ADGRF5: variants seen among roughly 807,000 people sequenced by gnomAD.
ADGRF5 encodes G-protein coupled receptor 116.
A neutral mutation model predicts 132.3 loss-of-function variants in ADGRF5; 75 were observed. That is an observed-to-expected ratio of 0.57 (90% CI 0.47 to 0.69). ADGRF5 has a LOEUF of 0.69. Ranked by LOEUF, ADGRF5 falls within the 30% of genes least tolerant of loss-of-function variation. ADGRF5 has a pLI of 0.00. For missense variants in ADGRF5, 1,516 were observed against 1,630.6 expected (o/e 0.93, Z 1.21); for synonymous variants, 629 against 597.6 (o/e 1.05, Z -0.77).
chr6:46,917,691 C>T (rs1036908157), intron 1 of ADGRF5, among the ~76,000 whole-genome samples: 6 of 152,172 alleles, frequency 3.9e-5, no homozygotes, highest in Admixed American at 6.5e-5. Context: ...CCACAGGCCC[C>T]TGTGTGTGAT....
At chr6:46,912,119 T>A (rs1776006445) in intron 1 of ADGRF5, among the ~76,000 whole-genome samples, 1 of 152,144 alleles carries the variant, frequency 6.6e-6, no homozygotes, top group African/African-American at 2.4e-5. Context: ...GTTAAATAAC[T>A]TGCCTGAGAT....
chr6:46,862,258 T>A (rs973435018), intron 15 of ADGRF5, among the ~76,000 whole-genome samples: 4 of 152,242 alleles, frequency 2.6e-5, no homozygotes, highest in Non-Finnish European at 5.9e-5. Flanking sequence ...CAGAATTTTT[T>A]AATGTAATTC....
chr6:46,887,315 A>G (rs1022343014), intron 4 of ADGRF5, among the ~76,000 whole-genome samples: 21 of 152,210 alleles, frequency 1.4e-4, no homozygotes, highest in Admixed American at 2.6e-4. Flanking sequence ...GGGTGGGAAC[A>G]TAGAAGGGTG....
In ADGRF5 at chr6:46,884,173, C is replaced by A; in HGVS notation, c.427G>T (p.Asp143Tyr). 1 of 1,614,048 alleles carries A rather than the reference C, an allele frequency of 6.2e-7. No individual in the cohort carries two copies. The highest frequency in any genetic ancestry group is 8.5e-7 in the Non-Finnish European group (1 of 1,179,912). ...CAATGGTGCCCTGGGAGGAAGACGT[C>A]ACGCTCTTGACAAATGAGATTGTGA... ...CLHNLICQERDVFLPGHHCSC... is the reference protein window; with the variant it reads ...CLHNLICQERYVFLPGHHCSC... The change falls in exon 5 of 21, where the codon GAC (aspartate) becomes TAC (tyrosine). Residue 143 changes from aspartate (D) to tyrosine (Y), a missense_variant. Around this residue, in one of 2 missense-constraint regions of ADGRF5, gnomAD observed 945 missense variants for 929.4 expected, o/e 1.02. Transcript: ENST00000283296.
intron 2 of ADGRF5, among the ~76,000 whole-genome samples, chr6:46,902,719 A>C (rs552053483): frequency 6.6e-6 from 1 of 152,310 alleles, no homozygotes; most frequent in African/African-American, 2.4e-5. Flanking sequence ...TCTGTCACCT[A>C]CAGCCTCTTC....
At chr6:46,943,417 T>C (rs1181926451) in intron 1 of ADGRF5, among the ~76,000 whole-genome samples, 1 of 152,246 alleles carries the variant, frequency 6.6e-6, no homozygotes. Context: ...ACCTACTTTG[T>C]GCAGAATACT....
At chr6:46,946,738 C>A (rs1037084144) in intron 1 of ADGRF5, among the ~76,000 whole-genome samples, 1 of 152,148 alleles carries the variant, frequency 6.6e-6, no homozygotes, top group African/African-American at 2.4e-5. Context: ...GATCCTGGCA[C>A]AGATTTGGTG....
At chr6:46,907,439 A>C (rs893111037) in intron 1 of ADGRF5, among the ~76,000 whole-genome samples, 9 of 152,082 alleles carry the variant, frequency 5.9e-5, no homozygotes, top group Admixed American at 5.2e-4. Context: ...TCCTGGCCTC[A>C]AGCAATCCTC....
chr6:46,910,765 G>A (rs1322176020), intron 1 of ADGRF5, among the ~76,000 whole-genome samples: 1 of 152,052 alleles, frequency 6.6e-6, no homozygotes, highest in African/African-American at 2.4e-5. Context: ...CCAGGCAACT[G>A]GAAAAAAACT....
At chr6:46,864,866 G>A (rs1225907969) in intron 14 of ADGRF5, among the ~76,000 whole-genome samples, 176 bp downstream of exon 14, 1 of 152,122 alleles carries the variant, frequency 6.6e-6, no homozygotes. Flanking sequence ...CTAGGCTTGA[G>A]GCCAGGGGAC....
intron 1 of ADGRF5, among the ~76,000 whole-genome samples, chr6:46,951,481 C>T (rs1271473070): frequency 6.6e-6 from 1 of 152,290 alleles, no homozygotes; most frequent in East Asian, 1.9e-4. Context: ...CCTTCTCCAC[C>T]ATTTGATTCT....
At chr6:46,943,628 A>T (rs1455378198) in intron 1 of ADGRF5, among the ~76,000 whole-genome samples, 1 of 152,244 alleles carries the variant, frequency 6.6e-6, no homozygotes. Context: ...ACCATGAACT[A>T]GTTAGCTACT....
intron 3 of ADGRF5, among the ~76,000 whole-genome samples, chr6:46,889,828 G>A (rs1247713706): frequency 2.0e-5 from 3 of 150,066 alleles, no homozygotes; most frequent in Non-Finnish European, 4.4e-5. Context: ...CATCATGTCT[G>A]GGCCACAGTT....
At chr6:46,888,614 GGTCT>G in intron 3 of ADGRF5, 109 bp from the exon 4 acceptor site, 1 of 749,222 alleles carries the variant, frequency 1.3e-6, no homozygotes, top group Non-Finnish European at 2.3e-6. Flanking sequence ...GTGAATGGTT[GGTCT>G]ATCAACCCTT....
chr6:46,944,671 C>T (rs113695961), intron 1 of ADGRF5, among the ~76,000 whole-genome samples: 350 of 152,270 alleles, frequency 2.3e-3, no homozygotes, highest in African/African-American at 7.8e-3. Context: ...TATGTCATTA[C>T]GGTTCTCTTA....
At chr6:46,938,347 T>C (rs1777925769) in intron 1 of ADGRF5, among the ~76,000 whole-genome samples, 1 of 152,196 alleles carries the variant, frequency 6.6e-6, no homozygotes, top group Non-Finnish European at 1.5e-5. Flanking sequence ...CTTCTAACCC[T>C]TGATAAACAC....
chr6:46,901,805 T>C (rs1474772077), intron 2 of ADGRF5, among the ~76,000 whole-genome samples: 2 of 151,968 alleles, frequency 1.3e-5, no homozygotes, highest in African/African-American at 4.8e-5. Context: ...CCTCTTCCTA[T>C]TCCCTCCTCC....
chr6:46,858,372 G>C lies in ADGRF5; in HGVS notation c.3531C>G (p.Ile1177Met), dbSNP rs1219888414. Reference protein sequence around the residue: ...EDTKALLAFAIPALIIVVVNI... With the variant: ...EDTKALLAFAMPALIIVVVNI... ...TCACCACCACAATGATCAGTGCTGG[G>C]ATGGCGAAAGCCAGCAGGGCCTTGG... The change falls in exon 17 of 21, where the codon ATC becomes ATG. Residue 1177 changes from isoleucine (I) to methionine (M), a missense_variant. Around this residue, in one of 2 missense-constraint regions of ADGRF5, gnomAD observed 571 missense variants for 701.2 expected, o/e 0.81. Transcript: ENST00000283296. The C allele has an allele frequency of 5.6e-6, 9 of 1,613,884 alleles. No homozygotes were observed. Among genetic ancestry groups the C allele is most frequent in the African/African-American group, 1.3e-5 (1 of 74,918 alleles).
intron 13 of ADGRF5, among the ~76,000 whole-genome samples, chr6:46,865,720 C>T (rs2150798342): frequency 6.6e-6 from 1 of 152,348 alleles, no homozygotes; most frequent in African/African-American, 2.4e-5. Context: ...TTGATTATAT[C>T]CCTCTGCCAT....
Sources: gnomAD v4.1 joint callset for allele counts (sites outside exome capture counted in the v4.1 genomes callset) on GRCh38, gnomAD v4.1.1 for gene constraint, gnomAD v4.1.1 regional missense constraint, MANE v1.5 for transcripts, NCBI Gene and HGNC (gene_info 2026-07-23, HGNC 2026-07-21) for gene names.